Variants in PVT1 observed in about 807,000 individuals in gnomAD.
PVT1 encodes CXCR4/PVT1 fusion.
At chr8:127,934,816 C>G (rs1321906032) in intron 3 of PVT1, among the ~76,000 whole-genome samples, 1 of 152,102 alleles carries the variant, frequency 6.6e-6, no homozygotes, top group African/African-American at 2.4e-5. Flanking sequence ...TGGAGCTGGG[C>G]TGGGACTGAT....
chr8:127,813,214 T>TATATATATAATACATACAA (rs1814620314), intron 2 of PVT1, among the ~76,000 whole-genome samples: 1 of 139,960 alleles, frequency 7.1e-6, no homozygotes, highest in East Asian at 2.0e-4. Flanking sequence ...TATACAAATA[T>TATATATATAATACATACAA]ATATATATAA....
rs547080520 is a variant in PVT1 at position 128,026,537 on chromosome 8, A to G, written n.912+37246A>G. Reference sequence around the variant, plus strand: ...CCCCACGTCGAGCAGTGGGTAGAAAATGAGCCCAGATCCCTCTGTCTCCAT... The same window carrying G: ...CCCCACGTCGAGCAGTGGGTAGAAAGTGAGCCCAGATCCCTCTGTCTCCAT... On this transcript the variant is annotated intron_variant and non_coding_transcript_variant, in intron 4 of 10. Transcript: ENST00000651587. Among the ~76,000 whole-genome samples the G allele has an allele frequency of 1.1e-4, 16 of 152,146 alleles. No homozygotes were observed. In the South Asian group the frequency reaches 3.3e-3, roughly 32 times the overall value.
At chr8:128,041,081 CAT>C (rs539415332) in intron 4 of PVT1, among the ~76,000 whole-genome samples, 61 of 144,946 alleles carry the variant, frequency 4.2e-4, no homozygotes, top group African/African-American at 1.4e-3. Flanking sequence ...TGTATTTGTG[CAT>C]ATGTTTGTGT....
intron 3 of PVT1, among the ~76,000 whole-genome samples, chr8:127,984,715 T>G (rs146184753): frequency 0.013 from 2,003 of 152,228 alleles, 41 homozygotes; most frequent in African/African-American, 0.046. Context: ...CAAACAATTC[T>G]CCTGCCTCAG....
At chr8:127,819,251 C>T (rs747902512) in intron 2 of PVT1, among the ~76,000 whole-genome samples, 7 of 152,272 alleles carry the variant, frequency 4.6e-5, no homozygotes, top group Non-Finnish European at 2.9e-5. Flanking sequence ...GTCCTGGGAT[C>T]CAAGTGTGAG....
intron 4 of PVT1, among the ~76,000 whole-genome samples, chr8:128,034,432 T>A (rs1241018283): frequency 6.6e-6 from 1 of 152,188 alleles, no homozygotes; most frequent in Non-Finnish European, 1.5e-5. Flanking sequence ...TTTGGAACAT[T>A]ACACTTCCAG....
intron 2 of PVT1, among the ~76,000 whole-genome samples, chr8:127,837,710 T>C (rs956146410): frequency 1.1e-4 from 16 of 152,110 alleles, no homozygotes; most frequent in Non-Finnish European, 1.8e-4. Context: ...GAGTATTGTT[T>C]AGCGATGGGG....
chr8:127,802,525 C>T (rs1814476532), intron 2 of PVT1, among the ~76,000 whole-genome samples: 1 of 152,240 alleles, frequency 6.6e-6, no homozygotes, highest in Non-Finnish European at 1.5e-5. Flanking sequence ...CAAGTTATCT[C>T]ATGAACCAAT....
At chr8:127,985,037 TC>T (rs1563657797) in intron 3 of PVT1, among the ~76,000 whole-genome samples, 1 of 76,092 alleles carries the variant, frequency 1.3e-5, no homozygotes, top group African/African-American at 6.2e-5. Context: ...TTCCTTCCTT[TC>T]CTTCTTTTTT....
At chr8:127,837,053 C>A (rs1476955537) in intron 2 of PVT1, among the ~76,000 whole-genome samples, 3 of 152,166 alleles carry the variant, frequency 2.0e-5, no homozygotes, top group Non-Finnish European at 4.4e-5. Flanking sequence ...ATAAGCCAGG[C>A]CCCCTGAGGG....
rs1288162949 is a variant in PVT1 at position 127,868,784 on chromosome 8, T to TACGTATATATATATGTATATAC, written n.373-21804_373-21803insCGTATATATATATGTATATACA. On this transcript the variant is annotated intron_variant and non_coding_transcript_variant, in intron 2 of 10. Transcript: ENST00000651587. ...CTTCCTTTTAACATATATATATATA[T>TACGTATATATATATGTATATAC]ATATATATACATATATATGTACATA... is the stretch of plus-strand genomic sequence containing the variant. Among the ~76,000 whole-genome samples, 388 of 84,062 alleles carry TACGTATATATATATGTATATAC rather than the reference T, an allele frequency of 4.6e-3. 29 individuals are homozygous for TACGTATATATATATGTATATAC. Among genetic ancestry groups the TACGTATATATATATGTATATAC allele is most frequent in the African/African-American group, 0.019 (237 of 12,434 alleles). 55.1% of individuals were successfully genotyped at this position (84,062 alleles called of 152,430 possible). A position where few individuals can be genotyped will look rare whatever the true frequency, so the allele number is the denominator to read the frequency against.
intron 4 of PVT1, among the ~76,000 whole-genome samples, chr8:128,062,631 T>C (rs1047469619): frequency 6.6e-6 from 1 of 152,224 alleles, no homozygotes; most frequent in East Asian, 1.9e-4. Context: ...AGAAAAAATA[T>C]GTATTTGCTA....
chr8:128,063,207 T>C (rs2130124135), intron 4 of PVT1, among the ~76,000 whole-genome samples: 1 of 152,300 alleles, frequency 6.6e-6, no homozygotes, highest in South Asian at 2.1e-4. Context: ...CTGTAATCGT[T>C]GCAGATGCTT....
chr8:128,040,906 A>T (rs558152728), intron 4 of PVT1, among the ~76,000 whole-genome samples: 71 of 150,952 alleles, frequency 4.7e-4, no homozygotes, highest in African/African-American at 1.7e-3. Flanking sequence ...ATGTTTGTGC[A>T]TGTGTGCATA....
chr8:127,998,878 T>A (rs190622866), intron 4 of PVT1, among the ~76,000 whole-genome samples: 1 of 149,602 alleles, frequency 6.7e-6, no homozygotes, highest in East Asian at 2.0e-4. Flanking sequence ...TCTCTCTCTT[T>A]TTTTGGTGCA....
At chr8:128,020,488 G>A (rs1349285641) in intron 4 of PVT1, among the ~76,000 whole-genome samples, 1 of 152,198 alleles carries the variant, frequency 6.6e-6, no homozygotes, top group African/African-American at 2.4e-5. Context: ...GGAACTGGAG[G>A]GAGAGACTGG....
At chr8:128,067,360 G>A (rs1454500233) in intron 4 of PVT1, among the ~76,000 whole-genome samples, 1 of 152,116 alleles carries the variant, frequency 6.6e-6, no homozygotes, top group Admixed American at 6.5e-5. Context: ...CATCTAATGG[G>A]CATTGTCCAG....
intron 4 of PVT1, among the ~76,000 whole-genome samples, chr8:128,000,330 A>C (rs548111681): frequency 6.6e-6 from 1 of 152,316 alleles, no homozygotes; most frequent in South Asian, 2.1e-4. Context: ...GCAGGCAACA[A>C]AAATAAGTGA....
chr8:127,910,094 G>A (rs941670876), intron 3 of PVT1, among the ~76,000 whole-genome samples: 4 of 152,080 alleles, frequency 2.6e-5, no homozygotes, highest in South Asian at 2.1e-4. Context: ...TGCACACCAC[G>A]TCCGTCCTCA....
Sources: allele counts gnomAD v4.1 joint callset (sites outside exome capture counted in the v4.1 genomes callset), GRCh38; gene constraint gnomAD v4.1.1; transcripts MANE v1.5; gene names NCBI Gene and HGNC (gene_info 2026-07-23, HGNC 2026-07-21).